BAZ1B: variants seen among roughly 807,000 people sequenced by gnomAD.
BAZ1B encodes the protein tyrosine-protein kinase BAZ1B.
In BAZ1B, 22 loss-of-function variants were observed where a neutral mutation model predicts 153.8. The ratio of observed to expected loss-of-function variants is 0.14; its 90% CI spans 0.10 to 0.20. The LOEUF (loss-of-function observed/expected upper bound fraction) is 0.20. BAZ1B is among the 10% of genes least tolerant of loss of function. BAZ1B has a pLI of 1.00. For missense variants in BAZ1B, 1,325 were observed against 1,799.3 expected (o/e 0.74, Z 4.77); for synonymous variants, 676 against 633.4 (o/e 1.07, Z -1.01).
chr7:73,505,094 G>C (rs1790282360), intron 3 of BAZ1B, among the ~76,000 whole-genome samples: 1 of 152,024 alleles, frequency 6.6e-6, no homozygotes, highest in East Asian at 1.9e-4. Context: ...TAAATACAAA[G>C]GAAGATACTC....
At chr7:73,484,962 TG>T (rs1165030071) in intron 6 of BAZ1B, among the ~76,000 whole-genome samples, 4 of 152,280 alleles carry the variant, frequency 2.6e-5, no homozygotes, top group South Asian at 2.1e-4. Flanking sequence ...AAAACAAAAT[TG>T]TTTTTTTGGT....
chr7:73,477,625 C>A lies in BAZ1B; in HGVS notation c.1836G>T (p.Met612Ile). ...AATAACAGCTCAAGAATTCCACCAC[C>A]ATGGCCACATCCCCAAACAGCGTGT... ...LPNTLFGDVAMVVEFLSCYSG... is the reference protein window; with the variant it reads ...LPNTLFGDVAIVVEFLSCYSG... Residue 612 changes from methionine to isoleucine, a missense_variant, in exon 7 of 20, where the codon ATG becomes ATT. Physicochemically the swap from Met to Ile is conservative, Grantham distance 10. This residue lies in a region of BAZ1B where 154 missense variants were observed against 266.3 expected (regional missense o/e 0.58). Coordinates refer to ENST00000339594, the MANE Select transcript of BAZ1B (RefSeq NM_032408.4). This position sits in a 1 kb window ranked among gnomAD's most constrained non-coding sequence, Gnocchi z 5.6. The A allele has an allele frequency of 6.2e-7, 1 of 1,614,234 alleles. No homozygotes were observed.
rs189978573 is a variant in BAZ1B, at chr7:73,513,015, T to G, written c.108-2163A>C. Among the ~76,000 whole-genome samples the G allele has an allele frequency of 8.0e-4, 122 of 152,264 alleles. 1 individual carries two copies. Among genetic ancestry groups the G allele is most frequent in the Admixed American group, 4.0e-3 (61 of 15,266 alleles). ...TGTCACCCAGGCTGAAGTGCAGTGG[T>G]GGGATCATGGCTCACTGTAGCCTTG... On this transcript the variant is annotated intron_variant, in intron 1 of 19. Coordinates refer to ENST00000339594, the MANE Select transcript of BAZ1B (RefSeq NM_032408.4).
intron 5 of BAZ1B, among the ~76,000 whole-genome samples, chr7:73,489,774 CAG>C (rs1268406661): frequency 6.6e-6 from 1 of 152,184 alleles, no homozygotes; most frequent in Non-Finnish European, 1.5e-5. Flanking sequence ...GCCTGGGCAA[CAG>C]AGTGAGACCC....
chr7:73,479,275 G>A (rs954392992), intron 6 of BAZ1B, among the ~76,000 whole-genome samples: 8 of 151,958 alleles, frequency 5.3e-5, no homozygotes, highest in Admixed American at 1.3e-4. Flanking sequence ...TTGGGAGGCC[G>A]AGGCAGGCAG....
chr7:73,510,939 CTA>C (rs1359360000), intron 1 of BAZ1B, 87 bp from the exon 2 acceptor site: 36 of 1,093,314 alleles, frequency 3.3e-5, no homozygotes, highest in Non-Finnish European at 4.5e-5. Context: ...AGAAAAAAAT[CTA>C]GTCTCCTTTT....
rs781952860 is a variant in BAZ1B at position 73,476,996 on chromosome 7, T to G, written c.2465A>C (p.Lys822Thr). Reference protein sequence around the residue: ...ENGLGKTDRKKEIVKFEPQVD... With the variant: ...ENGLGKTDRKTEIVKFEPQVD... ...TTGGGGCTCAAACTTCACAATTTCT[T>G]TTTTCCTATCAGTTTTGCCTAACCC... Residue 822 changes from lysine to threonine, a missense_variant, in exon 7 of 20, where the codon AAA (lysine) becomes ACA (threonine). Physicochemically the swap from Lys to Thr is moderately conservative, Grantham distance 78. Around this residue, in one of 9 missense-constraint regions of BAZ1B, gnomAD observed 431 missense variants for 563.5 expected, o/e 0.76. Coordinates refer to ENST00000339594, the MANE Select transcript of BAZ1B (RefSeq NM_032408.4). 1 of 1,614,240 alleles carries G rather than the reference T, an allele frequency of 6.2e-7. No individual in the cohort carries two copies. The highest frequency in any genetic ancestry group is 8.5e-7 in the Non-Finnish European group (1 of 1,180,042).
At chr7:73,493,256 T>C (rs1789726680) in intron 4 of BAZ1B, among the ~76,000 whole-genome samples, 2 of 151,094 alleles carry the variant, frequency 1.3e-5, no homozygotes, top group South Asian at 4.2e-4. Context: ...AGGTCGGGAG[T>C]TCGAGACCAG....
At chr7:73,511,192 C>T (rs1159579073) in intron 1 of BAZ1B, among the ~76,000 whole-genome samples, 3 of 151,710 alleles carry the variant, frequency 2.0e-5, no homozygotes, top group Non-Finnish European at 4.4e-5. Flanking sequence ...GGCGTGAACC[C>T]GGGAGGCGGA....
At chr7:73,467,931 A>C (rs1308086768) in intron 9 of BAZ1B, among the ~76,000 whole-genome samples, 1 of 152,216 alleles carries the variant, frequency 6.6e-6, no homozygotes, top group Non-Finnish European at 1.5e-5. Context: ...ATAAAGTGAC[A>C]TAATCTATGC....
chr7:73,466,271 G>A, intron 10 of BAZ1B, 25 bp downstream of exon 10: 1 of 1,512,748 alleles, frequency 6.6e-7, no homozygotes, highest in South Asian at 1.1e-5. Flanking sequence ...AAAAGAAAGA[G>A]CAACCAGATG....
chr7:73,451,214 C>A (rs1374379864), intron 13 of BAZ1B, among the ~76,000 whole-genome samples: 1 of 152,192 alleles, frequency 6.6e-6, no homozygotes, highest in Admixed American at 6.6e-5. Flanking sequence ...TGGGGACAAG[C>A]ATCTTCTAGG....
At chr7:73,508,596 A>G in intron 2 of BAZ1B, 125 bp from the exon 3 acceptor site, 1 of 1,141,000 alleles carries the variant, frequency 8.8e-7, no homozygotes, top group Admixed American at 2.7e-5. Context: ...CTCTGTCACC[A>G]AGGCTGGAGT....
intron 7 of BAZ1B, 51 bp from the exon 8 acceptor site, chr7:73,470,534 T>G: frequency 1.3e-6 from 2 of 1,587,038 alleles, no homozygotes; most frequent in Non-Finnish European, 1.7e-6. Flanking sequence ...TAAATCCCAC[T>G]CTTACAAATT....
At chr7:73,467,474 A>G (rs1788638403) in intron 9 of BAZ1B, among the ~76,000 whole-genome samples, 2 of 151,576 alleles carry the variant, frequency 1.3e-5, no homozygotes, top group Admixed American at 1.3e-4. Context: ...GGCTTAAACA[A>G]TTCTCTTGCC....
At position 73,491,864 on chromosome 7, in the gene BAZ1B, T is replaced by C. The variant is rs148777939; in HGVS notation, c.693+936A>G. On this transcript the variant is annotated intron_variant, in intron 5 of 19. Transcript: ENST00000339594. ...GGTTATACCTGAAGACAAATGTGCA[T>C]TGCCTTCCACACCCAGTCTCCTAAT... 8.7e-3 allele frequency among the ~76,000 whole-genome samples: 1,332 copies of C among 152,300 alleles called. 13 individuals carry two copies. Among genetic ancestry groups the C allele is most frequent in the Middle Eastern group, 0.034 (10 of 294 alleles).
intron 7 of BAZ1B, among the ~76,000 whole-genome samples, chr7:73,471,853 T>C (rs782671655): frequency 6.9e-6 from 1 of 145,658 alleles, no homozygotes; most frequent in South Asian, 2.2e-4. Context: ...TAGTAGAAAA[T>C]AGCACAAAGG....
chr7:73,452,724 G>GAAAAAAAAAAAAAAAAAA (rs1268068593), intron 13 of BAZ1B, among the ~76,000 whole-genome samples: 1 of 81,918 alleles, frequency 1.2e-5, no homozygotes. Flanking sequence ...TTCATCTCGA[G>GAAAAAAAAAAAAAAAAAA]AAAAAAAAAA....
intron 2 of BAZ1B, among the ~76,000 whole-genome samples, chr7:73,509,299 G>A (rs1169187736): frequency 6.6e-6 from 1 of 152,094 alleles, no homozygotes; most frequent in African/African-American, 2.4e-5. Flanking sequence ...TCCAGCCTGG[G>A]CAACAGAGAG....
Sources: allele counts gnomAD v4.1 joint callset (sites outside exome capture counted in the v4.1 genomes callset), GRCh38; gene constraint gnomAD v4.1.1; regional missense constraint gnomAD v4.1.1; non-coding constraint Gnocchi (gnomAD v3.1); transcripts MANE v1.5; gene names NCBI Gene and HGNC (gene_info 2026-07-23, HGNC 2026-07-21).